Variants in OXNAD1 observed in about 807,000 individuals in gnomAD.
OXNAD1 encodes oxidoreductase NAD-binding domain-containing protein 1.
Under a neutral mutation model 32.9 loss-of-function variants are expected in OXNAD1, and 34 were observed. That is an observed-to-expected ratio of 1.03 (90% CI 0.79 to 1.38). The LOEUF is 1.38. Among genes scored for constraint, OXNAD1 ranks in the 40% most tolerant of loss-of-function variants. The probability of loss-of-function intolerance (pLI) is 0.00; values close to 1 mark genes in which losing one functional copy is unlikely to be tolerated. For missense variants in OXNAD1, 407 were observed against 379.4 expected, an observed-to-expected ratio of 1.07 and a Z score of -0.60; for synonymous variants, 134 against 135.2, an observed-to-expected ratio of 0.99 and a Z score of 0.06.
At chr3:16,333,315 GA>G (rs2070512218) in intron 9 of OXNAD1, among the ~76,000 whole-genome samples, 2 of 152,212 alleles carry the variant, frequency 1.3e-5, no homozygotes, top group Admixed American at 1.3e-4. Flanking sequence ...ACCTTAGCTA[GA>G]AAAGTGCACA....
downstream of OXNAD1, among the ~76,000 whole-genome samples, chr3:16,338,055 G>A (rs923563615): frequency 1.3e-5 from 2 of 152,206 alleles, no homozygotes; most frequent in African/African-American, 4.8e-5. This position sits in a 1 kb window ranked among gnomAD's most constrained non-coding sequence, Gnocchi z 5.3. Context: ...ACCATGCCAA[G>A]CTGGCAAGAA....
At chr3:16,278,454 T>G (rs2065505761) in intron 4 of OXNAD1, among the ~76,000 whole-genome samples, 1 of 152,178 alleles carries the variant, frequency 6.6e-6, no homozygotes. Context: ...GATGAGGGGA[T>G]TAAGAATCAA....
At position 16,299,519 on chromosome 3, in the gene OXNAD1, T is replaced by G. The variant is rs2067027248; in HGVS notation, c.433-2107T>G. Among the ~76,000 whole-genome samples, 1 of 150,834 alleles carries G rather than the reference T, an allele frequency of 6.6e-6. No homozygotes were observed. The highest frequency in any genetic ancestry group is 6.7e-5 in the Admixed American group (1 of 15,004). Reference sequence around the variant, plus strand: ...TTTTTTCCCCTGAAAGAGTATCCATTCATTTAACAGTTCTTTACCAAAAAA... The same window carrying G: ...TTTTTTCCCCTGAAAGAGTATCCATGCATTTAACAGTTCTTTACCAAAAAA... On this transcript the variant is annotated intron_variant, in intron 6 of 8. Transcript: ENST00000285083. The surrounding 1 kb of genome is among the most constrained non-coding windows in gnomAD (Gnocchi z 4.4).
Position 16,321,362 on chromosome 3 carries a change from C to T in OXNAD1, c.*31-15750C>T, listed in dbSNP as rs902830046. Among the ~76,000 whole-genome samples the T allele has an allele frequency of 6.6e-6, 1 of 152,060 alleles. No individual in the cohort carries two copies. Among genetic ancestry groups the T allele is most frequent in the Admixed American group, 6.5e-5 (1 of 15,270 alleles). ...AACCCTGAGGAACTTAGTGGGAAAC[C>T]AGGAGAATGAGGTGGGAAAGAACCA... On this transcript the variant is annotated intron_variant, in intron 9 of 9. Coordinates refer to the OXNAD1 transcript ENST00000435829. The surrounding 1 kb of genome is among the most constrained non-coding windows in gnomAD (Gnocchi z 4.8).
rs530777631 is a variant in OXNAD1 at position 16,348,197 on chromosome 3, A to C, written c.*31-979A>C. On this transcript the variant is annotated intron_variant, in intron 9 of 9. Coordinates refer to the OXNAD1 transcript ENST00000606098. The surrounding 1 kb of genome is among the most constrained non-coding windows in gnomAD (Gnocchi z 6.3). The stretch of plus-strand genomic sequence containing the variant: ...CAGGAGCAGGGCTTTGCTAAGAGGC[A>C]CAAGTGCTGCCTGTTTGAGGTGAAA... Among the ~76,000 whole-genome samples the C allele has an allele frequency of 3.9e-5, 6 of 152,244 alleles. No individual in the cohort carries two copies. Among genetic ancestry groups the C allele is most frequent in the African/African-American group, 1.4e-4 (6 of 41,550 alleles).
downstream of OXNAD1, among the ~76,000 whole-genome samples, chr3:16,310,851 G>A (rs1410545427): frequency 5.9e-5 from 9 of 152,060 alleles, 1 homozygote; most frequent in East Asian, 1.9e-4. Context: ...TTAGCCGGGC[G>A]TGGTGGTGCA....
At chr3:16,339,246 T>C (rs2071140345), downstream of OXNAD1, 1 of 152,262 alleles carries the variant, frequency 6.6e-6, no homozygotes. Context: ...GTGACTCAAC[T>C]GTCAGTATCA....
chr3:16,318,940 C>G (rs540576758), intron 9 of OXNAD1, among the ~76,000 whole-genome samples: 7 of 152,142 alleles, frequency 4.6e-5, no homozygotes, highest in African/African-American at 1.2e-4. Context: ...CTACTTAAGC[C>G]GAGCCTGCCA....
At chr3:16,338,734 T>C (rs2071094129), downstream of OXNAD1, among the ~76,000 whole-genome samples, 1 of 152,250 alleles carries the variant, frequency 6.6e-6, no homozygotes, top group African/African-American at 2.4e-5. This position sits in a 1 kb window ranked among gnomAD's most constrained non-coding sequence, Gnocchi z 5.3. Context: ...ATCATATCTT[T>C]AGCCCTTCTT....
chr3:16,319,165 G>A (rs1226764955), intron 9 of OXNAD1, among the ~76,000 whole-genome samples: 1 of 152,110 alleles, frequency 6.6e-6, no homozygotes, highest in Non-Finnish European at 1.5e-5. Context: ...AAAACAGTCA[G>A]AGCCTCTTCA....
In OXNAD1 at chr3:16,334,849, G is replaced by A. The variant is rs139887953; in HGVS notation, c.*31-2263G>A. ...AGAGTTTATCCAGGATTATCCAGGT[G>A]TGCCCAGTATAATCACAGGGGTCCT... On this transcript the variant is annotated intron_variant, in intron 9 of 9. Transcript: ENST00000435829. The surrounding 1 kb of genome is among the most constrained non-coding windows in gnomAD (Gnocchi z 4.3). Among the ~76,000 whole-genome samples the A allele has an allele frequency of 4.3e-4, 66 of 152,298 alleles. No individual in the cohort carries two copies. The highest frequency in any genetic ancestry group is 1.5e-3 in the African/African-American group (63 of 41,546).
Position 16,317,757 on chromosome 3 carries a change from G to A in OXNAD1, c.*30+14165G>A, listed in dbSNP as rs541512522. 3.5e-5 allele frequency among the ~76,000 whole-genome samples: 5 copies of A among 141,256 alleles called. No homozygotes were observed. Among genetic ancestry groups the A allele is most frequent in the East Asian group, 3.9e-4 (2 of 5,096 alleles). The allele number at this position is 141,256 out of a possible 152,430, so 92.7% of individuals were successfully genotyped here. ...ATCCCCCCACAGGACTGGCGGGCCC[G>A]CTCCCCAGCTAGGCCGATAGCCCTT... On this transcript the variant is annotated intron_variant, in intron 9 of 9. Transcript: ENST00000435829. The surrounding 1 kb of genome is among the most constrained non-coding windows in gnomAD (Gnocchi z 4.3).
In OXNAD1 at chr3:16,316,826, A is replaced by G. The variant is rs746800655; in HGVS notation, c.*30+13234A>G. 82 of 1,613,486 alleles carry G rather than the reference A, an allele frequency of 5.1e-5. No homozygotes were observed. The highest frequency in any genetic ancestry group is 6.4e-5 in the Non-Finnish European group (76 of 1,179,920). On this transcript the variant is annotated intron_variant, in intron 9 of 9. Coordinates refer to the OXNAD1 transcript ENST00000435829. This position sits in a 1 kb window ranked among gnomAD's most constrained non-coding sequence, Gnocchi z 4.5. ...CTAGTTTTAGCACAAATTGCCCAAG[A>G]CTCAGTTTTCTTCAACCGTACCAAG...
At position 16,317,354 on chromosome 3, in the gene OXNAD1, C is replaced by T. The variant is rs1575213130; in HGVS notation, c.*30+13762C>T. The T allele has an allele frequency of 1.9e-6, 2 of 1,053,386 alleles. No individual in the cohort carries two copies. The highest frequency in any genetic ancestry group is 5.1e-5 in the East Asian group (2 of 39,116). 65.3% of individuals were successfully genotyped at this position (1,053,386 alleles called of 1,614,324 possible). A position where few individuals can be genotyped will look rare whatever the true frequency, so the allele number is the denominator to read the frequency against. On this transcript the variant is annotated intron_variant, in intron 9 of 9. Transcript: ENST00000435829. This position sits in a 1 kb window ranked among gnomAD's most constrained non-coding sequence, Gnocchi z 4.3. ...GTGAGACATACAATTCCCAGCATCC[C>T]CCAGCCAGGCAGTACAGGCACCAAA...
At chr3:16,350,169 T>C (rs929207275) in exon 10 of OXNAD1, 17 of 152,210 alleles carry the variant, frequency 1.1e-4, no homozygotes, top group African/African-American at 3.9e-4. Context: ...TCGTTTAACA[T>C]TTCCTGTAAT....
At chr3:16,323,453 C>T (rs755812571) in intron 9 of OXNAD1, 2 of 1,610,550 alleles carry the variant, frequency 1.2e-6, no homozygotes, top group East Asian at 4.5e-5. Flanking sequence ...GATACACTCC[C>T]CTCGCTGTAA....
At chr3:16,281,599 TAGAC>T (rs1171240674) in intron 4 of OXNAD1, among the ~76,000 whole-genome samples, 8 of 152,248 alleles carry the variant, frequency 5.3e-5, no homozygotes, top group African/African-American at 1.9e-4. Context: ...TAATTGGTCA[TAGAC>T]AGCATCCAAA....
intron 9 of OXNAD1, among the ~76,000 whole-genome samples, chr3:16,331,238 A>G (rs2070278769): frequency 6.6e-6 from 1 of 152,210 alleles, no homozygotes; most frequent in Non-Finnish European, 1.5e-5. Context: ...CTACCAAAAC[A>G]CTAGTGCCCA....
chr3:16,284,741 T>C lies in OXNAD1; in HGVS notation c.184-1601T>C, dbSNP rs1038600426. Among the ~76,000 whole-genome samples, 1 of 152,230 alleles carries C rather than the reference T, an allele frequency of 6.6e-6. No homozygotes were observed. The highest frequency in any genetic ancestry group is 2.1e-4 in the South Asian group (1 of 4,836). ...TGAGGTATAGGTGGTATTATTCTCA[T>C]TTTATAGCTGAGGAGGGCTAGGTAA... On this transcript the variant is annotated intron_variant, in intron 4 of 8. Transcript: ENST00000285083. The surrounding 1 kb of genome is among the most constrained non-coding windows in gnomAD (Gnocchi z 4.1).
Sources: allele counts gnomAD v4.1 joint callset (sites outside exome capture counted in the v4.1 genomes callset), GRCh38; gene constraint gnomAD v4.1.1; non-coding constraint Gnocchi (gnomAD v3.1); transcripts MANE v1.5; gene names NCBI Gene and HGNC (gene_info 2026-07-23, HGNC 2026-07-21).